The following ZSCAN25 variants were observed in gnomAD, a reference collection of about 807,000 sequenced individuals.
ZSCAN25 encodes the protein zinc finger and SCAN domain-containing protein 25.
A neutral mutation model predicts 38.7 loss-of-function variants in ZSCAN25; 27 were observed. The observed-to-expected ratio is 0.70, with a 90% CI of 0.51 to 0.96. The LOEUF (loss-of-function observed/expected upper bound fraction) is 0.96, where lower values mean the gene tolerates loss of function less well. ZSCAN25 is among the 40% of genes least tolerant of loss of function. The pLI is 0.00. For missense variants in ZSCAN25, 637 were observed against 705.9 expected, an observed-to-expected ratio of 0.90 and a Z score of 1.11; for synonymous variants, 273 against 277.7, an observed-to-expected ratio of 0.98 and a Z score of 0.17.
the ZSCAN25 span, among the ~76,000 whole-genome samples, chr7:99,702,651 C>T: frequency 9.9e-5 from 15 of 152,028 alleles, no homozygotes; most frequent in Admixed American, 7.2e-4. Context: ...TTATTATACC[C>T]CTGTAGTATA....
the ZSCAN25 span, among the ~76,000 whole-genome samples, chr7:99,693,967 A>G: frequency 1.3e-5 from 2 of 152,250 alleles, no homozygotes; most frequent in African/African-American, 4.8e-5. Context: ...TGGAGACATC[A>G]TAAGGGAAAG....
chr7:99,638,333 C>G, the ZSCAN25 span: 1 of 1,605,686 alleles, frequency 6.2e-7, no homozygotes, highest in Admixed American at 1.7e-5. Context: ...AGTTCCTGTC[C>G]TGAATCCAGG....
At chr7:99,690,994 T>G in the ZSCAN25 span, among the ~76,000 whole-genome samples, 3 of 152,232 alleles carry the variant, frequency 2.0e-5, no homozygotes, top group South Asian at 2.1e-4. Context: ...ACATGCACAC[T>G]TATGTTTATT....
At chr7:99,716,498 A>G in the ZSCAN25 span, among the ~76,000 whole-genome samples, 1 of 152,168 alleles carries the variant, frequency 6.6e-6, no homozygotes, top group Non-Finnish European at 1.5e-5. Flanking sequence ...TGTAAAATAT[A>G]ATGACAAATG....
chr7:99,655,265 A>G, the ZSCAN25 span, among the ~76,000 whole-genome samples: 1 of 152,210 alleles, frequency 6.6e-6, no homozygotes, highest in African/African-American at 2.4e-5. Context: ...ATAAGGTGTA[A>G]GGAAGGGATC....
chr7:99,657,588 G>A, the ZSCAN25 span, among the ~76,000 whole-genome samples: 2 of 152,208 alleles, frequency 1.3e-5, no homozygotes, highest in Non-Finnish European at 2.9e-5. Flanking sequence ...TTCTGTAGAT[G>A]TCTATTATGT....
the ZSCAN25 span, chr7:99,648,313 C>T: frequency 6.2e-7 from 1 of 1,612,458 alleles, no homozygotes; most frequent in African/African-American, 1.3e-5. Context: ...ACTCATTCTC[C>T]ACTTAGGGTT....
At chr7:99,700,339 G>A in the ZSCAN25 span, among the ~76,000 whole-genome samples, 1 of 152,246 alleles carries the variant, frequency 6.6e-6, no homozygotes, top group Middle Eastern at 3.4e-3. Context: ...GGAGCCATTG[G>A]CATGAAGCCT....
intron 7 of ZSCAN25, among the ~76,000 whole-genome samples, chr7:99,627,685 A>G (rs1488894102): frequency 1.3e-5 from 2 of 151,756 alleles, no homozygotes; most frequent in Non-Finnish European, 2.9e-5. Flanking sequence ...TATCATGTAT[A>G]TGCTGTATAC....
At chr7:99,699,866 A>AC in the ZSCAN25 span, 1 of 783,824 alleles carries the variant, frequency 1.3e-6, no homozygotes, top group South Asian at 1.4e-5. Context: ...TCCTCCTTGA[A>AC]CATCTCTTTT....
chr7:99,655,302 G>A, the ZSCAN25 span, among the ~76,000 whole-genome samples: 2 of 152,172 alleles, frequency 1.3e-5, no homozygotes, highest in Non-Finnish European at 2.9e-5. Flanking sequence ...TATATGGCTA[G>A]CCAGTTTTCC....
At chr7:99,665,949 A>T in the ZSCAN25 span, among the ~76,000 whole-genome samples, 9 of 152,208 alleles carry the variant, frequency 5.9e-5, no homozygotes, top group Non-Finnish European at 1.0e-4. Flanking sequence ...TCTCTCCAAC[A>T]TTGATTTGGA....
chr7:99,634,721 C>T (rs375993907), downstream of ZSCAN25, among the ~76,000 whole-genome samples: 19 of 152,244 alleles, frequency 1.2e-4, no homozygotes, highest in African/African-American at 4.3e-4. Context: ...GGTGTGAACC[C>T]GGGAGGCGGA....
rs1807831580 is a variant in ZSCAN25, at chr7:99,629,763, A to G, written c.1378A>G (p.Thr460Ala). 6.2e-7 allele frequency: 1 copy of G among 1,614,130 alleles called. No individual in the cohort carries two copies. The highest frequency in any genetic ancestry group is 8.5e-7 in the Non-Finnish European group (1 of 1,180,026). Residue 460 changes from threonine (T) to alanine (A), a missense_variant, in exon 8 of 8, where the codon ACC becomes GCC. Coordinates refer to ENST00000394152, the MANE Select transcript of ZSCAN25 (RefSeq NM_145115.3). The surrounding 1 kb of genome is among the most constrained non-coding windows in gnomAD (Gnocchi z 5.6). Reference sequence around the variant, plus strand: ...GACGCACACCGGGGAGAAGCCCTACACCTGCGAGTGTGGCAAGAGCTTCAG... The same window carrying G: ...GACGCACACCGGGGAGAAGCCCTACGCCTGCGAGTGTGGCAAGAGCTTCAG... Reference protein sequence around the residue: ...RRTHTGEKPYTCECGKSFSRN... With the variant: ...RRTHTGEKPYACECGKSFSRN...
chr7:99,709,380 T>C, the ZSCAN25 span: 1 of 1,439,762 alleles, frequency 6.9e-7, no homozygotes, highest in African/African-American at 1.4e-5. Context: ...TGGCAAAGGA[T>C]TGTAGCATTC....
At chr7:99,725,635 G>A in the ZSCAN25 span, among the ~76,000 whole-genome samples, 1 of 152,202 alleles carries the variant, frequency 6.6e-6, no homozygotes, top group Non-Finnish European at 1.5e-5. Flanking sequence ...ATTAGAGGTT[G>A]GACTGTCTGA....
chr7:99,628,397 C>CT (rs1242661533), intron 7 of ZSCAN25, among the ~76,000 whole-genome samples: 1 of 151,994 alleles, frequency 6.6e-6, no homozygotes, highest in East Asian at 1.9e-4. Flanking sequence ...CTTTTCTTTT[C>CT]TTTTTTTCTC....
the ZSCAN25 span, among the ~76,000 whole-genome samples, chr7:99,733,502 T>C: frequency 6.6e-6 from 1 of 152,208 alleles, no homozygotes; most frequent in African/African-American, 2.4e-5. Context: ...GTCTACACTA[T>C]AGCTTCTGAA....
the ZSCAN25 span, chr7:99,677,303 G>A: frequency 1.0e-6 from 1 of 960,830 alleles, no homozygotes; most frequent in Non-Finnish European, 1.2e-6. Flanking sequence ...GAAGCTGCTA[G>A]CCCCACACAG....
Sources: allele counts gnomAD v4.1 joint callset (sites outside exome capture counted in the v4.1 genomes callset), GRCh38; gene constraint gnomAD v4.1.1; non-coding constraint Gnocchi (gnomAD v3.1); transcripts MANE v1.5; gene names NCBI Gene and HGNC (gene_info 2026-07-23, HGNC 2026-07-21).